Variants in MASP2 observed in about 807,000 individuals in gnomAD.
MASP2 encodes the protein mannan-binding lectin serine protease 2.
A neutral mutation model predicts 57.1 loss-of-function variants in MASP2; 49 were observed. That is an observed-to-expected ratio of 0.86 (90% confidence interval 0.68 to 1.09). The LOEUF (loss-of-function observed/expected upper bound fraction) is 1.09. Ranked by LOEUF, MASP2 falls within the 50% of genes least tolerant of loss-of-function variation. The pLI is 0.00. For synonymous variants in MASP2, 379 were observed against 340.8 expected, an observed-to-expected ratio of 1.11 and a Z score of -1.24; for missense variants, 900 against 874.8, an observed-to-expected ratio of 1.03 and a Z score of -0.36.
At chr1:11,041,689 G>GATAGATAGATAGACAGACAGA in intron 6 of MASP2, among the ~76,000 whole-genome samples, 3 of 151,588 alleles carry the variant, frequency 2.0e-5, no homozygotes, top group Non-Finnish European at 2.9e-5. Flanking sequence ...ATGGCTGGAA[G>GATAGATAGATAGACAGACAGA]TATGGGTGAG....
At chr1:11,028,424 T>TA (rs542683514) in intron 10 of MASP2, among the ~76,000 whole-genome samples, 14 of 152,326 alleles carry the variant, frequency 9.2e-5, no homozygotes, top group African/African-American at 2.9e-4. Flanking sequence ...CCTTTGAACA[T>TA]ACAAATGTTT....
At chr1:11,043,050 G>T (rs1386333937) in intron 5 of MASP2, 28 bp from the exon 6 acceptor site, 1 of 1,610,876 alleles carries the variant, frequency 6.2e-7, no homozygotes, top group South Asian at 1.1e-5. Flanking sequence ...GAAAGCTGGG[G>T]AGCAGCTGCC....
chr1:11,032,608 C>CAAAAAA (rs36074066), intron 8 of MASP2, among the ~76,000 whole-genome samples: 1 of 106,082 alleles, frequency 9.4e-6, no homozygotes, highest in African/African-American at 3.5e-5. Flanking sequence ...GAGACCCCGT[C>CAAAAAA]AAAAAAAAAA....
intron 10 of MASP2, 41 bp downstream of exon 10, chr1:11,030,135 T>C (rs1459625726): frequency 6.8e-7 from 1 of 1,460,910 alleles, no homozygotes; most frequent in African/African-American, 1.4e-5. Flanking sequence ...CAGTCCTCCT[T>C]TCCATCAATT....
At chr1:11,032,775 G>A (rs192606561) in intron 8 of MASP2, among the ~76,000 whole-genome samples, 5 of 151,978 alleles carry the variant, frequency 3.3e-5, no homozygotes, top group Admixed American at 6.6e-5. Flanking sequence ...TGGGCTTGGT[G>A]GGAAGTGCTT....
intron 6 of MASP2, among the ~76,000 whole-genome samples, chr1:11,041,770 A>AGGATGGG: frequency 6.9e-6 from 1 of 145,728 alleles, no homozygotes; most frequent in East Asian, 2.1e-4. Context: ...GGATGGAAGA[A>AGGATGGG]TGGGTGGATG....
chr1:11,043,034 G>A lies in MASP2; in HGVS notation c.742-12C>T, dbSNP rs201703577. The A allele has an allele frequency of 1.5e-3, 2,463 of 1,612,534 alleles. 16 individuals are homozygous for A. The highest frequency in any genetic ancestry group is 7.6e-3 in the South Asian group (696 of 91,026). On this transcript the variant is annotated splice_polypyrimidine_tract_variant and intron_variant, in intron 5 of 10. Coordinates refer to ENST00000400897, the MANE Select transcript of MASP2 (RefSeq NM_006610.4). ...CTGTCTGTTTGAATCTGAGAAAGAA[G>A]CTCATGAAAGCTGGGGAGCAGCTGC...
Position 11,030,823 on chromosome 1 carries a change from G to A in MASP2, c.1147C>T (p.Pro383Ser), listed in dbSNP as rs2100876137. Residue 383 changes from proline to serine, a missense_variant, in exon 9 of 11, where the codon CCT becomes TCT. Coordinates refer to ENST00000400897, the MANE Select transcript of MASP2 (RefSeq NM_006610.4). ...ACAGCTTTGTAGGTGGTCACTCCAG[G>A]ACCTGTGATGTACTCCACTCGGCCA... is the stretch of plus-strand genomic sequence containing the variant. ...PSGRVEYITG[P>S]GVTTYKAVIQ... 1 of 1,613,888 alleles carries A rather than the reference G, an allele frequency of 6.2e-7. No individual in the cohort carries two copies. The highest frequency in any genetic ancestry group is 8.5e-7 in the Non-Finnish European group (1 of 1,179,796).
chr1:11,041,903 A>AGGAT (rs1339683226), intron 6 of MASP2, among the ~76,000 whole-genome samples: 5 of 139,940 alleles, frequency 3.6e-5, no homozygotes, highest in Admixed American at 7.0e-5. Flanking sequence ...GTTGGATAGA[A>AGGAT]GGATGGATGG....
chr1:11,046,703 G>A lies in MASP2; in HGVS notation c.265C>T (p.Leu89=). ...LSSGAKVLAT[L]CGQESTDTER... ...GTGTCTGTGCTCTCCTGCCCGCACA[G>A]CGTGGCCAGCACCTTGGCCCCCGAG... Residue 89 remains leucine, a synonymous_variant, in exon 3 of 11, where the codon CTG becomes TTG. Transcript: ENST00000400897. 1 of 1,613,316 alleles carries A rather than the reference G, an allele frequency of 6.2e-7. No homozygotes were observed. The highest frequency in any genetic ancestry group is 1.1e-5 in the South Asian group (1 of 91,064).
At position 11,027,358 on chromosome 1, in the gene MASP2, CA is replaced by C. The variant is rs1190877811; in HGVS notation, c.1587del (p.Phe529LeufsTer5). ...AATTTAATCAGTGCTATGTCATTGT[CA>C]AAGCCAGCATCATGAGTATAACCTT... ...IHEGYTHDAG[F>X]DNDIALIKLN... On this transcript the variant is annotated frameshift_variant, in exon 11 of 11. Coordinates refer to ENST00000400897, the MANE Select transcript of MASP2 (RefSeq NM_006610.4). LOFTEE classifies it low-confidence loss of function (END_TRUNC). The C allele has an allele frequency of 6.2e-7, 1 of 1,614,112 alleles. No homozygotes were observed. Among genetic ancestry groups the C allele is most frequent in the Admixed American group, 1.7e-5 (1 of 60,002 alleles).
At chr1:11,030,058 T>G (rs1018378808) in intron 10 of MASP2, 118 bp downstream of exon 10, 1 of 689,556 alleles carries the variant, frequency 1.5e-6, no homozygotes, top group Non-Finnish European at 2.5e-6. Context: ...AATAACAGCC[T>G]AAGAGCCAAG....
Position 11,047,232 on chromosome 1 carries a change from C to A in MASP2, c.-25G>T, listed in dbSNP as rs529184283. ...TGGTGTGCCCGTCCAGCTGGCCTGG[C>A]CTGGTCTGCAGCCCTACGCTGGTCT... is the stretch of plus-strand genomic sequence containing the variant. On this transcript the variant is annotated 5_prime_UTR_variant, in exon 1 of 11. Coordinates refer to ENST00000400897, the MANE Select transcript of MASP2 (RefSeq NM_006610.4). 25 of 1,554,734 alleles carry A rather than the reference C, an allele frequency of 1.6e-5. No homozygotes were observed. The East Asian group carries it at 4.5e-4, about 28-fold the overall frequency.
At chr1:11,036,919 C>T (rs1439120119) in intron 7 of MASP2, among the ~76,000 whole-genome samples, 2 of 152,024 alleles carry the variant, frequency 1.3e-5, no homozygotes, top group Non-Finnish European at 2.9e-5. Flanking sequence ...GTCATTTGAC[C>T]AGGGGGAGAA....
At chr1:11,028,863 G>A (rs530221432) in intron 10 of MASP2, among the ~76,000 whole-genome samples, 7 of 151,278 alleles carry the variant, frequency 4.6e-5, no homozygotes, top group Non-Finnish European at 1.0e-4. Flanking sequence ...ACAGGCACAC[G>A]CCACCACACC....
At position 11,047,107 on chromosome 1, in the gene MASP2, G is replaced by C. The variant is rs545996601; in HGVS notation, c.18C>G (p.Leu6=). The change falls in exon 2 of 11, where the codon CTC becomes CTG. Residue 6 remains leucine (L), a synonymous_variant. Transcript: ENST00000400897. The part of the protein sequence containing the change: MRLLT[L]LGLLCGSVAT... ...CCACCGAGCCACACAGAAGGCCCAG[G>C]AGGGTCAGCAGCCTATGGGCAGGGC... The C allele has an allele frequency of 1.1e-5, 17 of 1,550,438 alleles. No homozygotes were observed. The highest frequency in any genetic ancestry group is 1.5e-5 in the Non-Finnish European group (17 of 1,146,872).
chr1:11,041,105 A>AGATG lies in MASP2; in HGVS notation c.889+1766_889+1769dup, dbSNP rs1553161674. ...TAGGTGGATGGATAGAAGGATGGAT[A>AGATG]GATGGATGGATGGATGGATGGATGG... is the stretch of plus-strand genomic sequence containing the variant. On this transcript the variant is annotated intron_variant, in intron 6 of 10. Coordinates refer to ENST00000400897, the MANE Select transcript of MASP2 (RefSeq NM_006610.4). Among the ~76,000 whole-genome samples the AGATG allele has an allele frequency of 4.0e-4, 53 of 133,090 alleles. 1 individual carries two copies. Among genetic ancestry groups the AGATG allele is most frequent in the African/African-American group, 1.5e-3 (50 of 33,166 alleles). The allele number at this position is 133,090 out of a possible 152,430, so 87.3% of individuals were successfully genotyped here.
At chr1:11,034,780 A>G (rs1369827357) in intron 8 of MASP2, 48 bp downstream of exon 8, 1 of 1,239,490 alleles carries the variant, frequency 8.1e-7, no homozygotes, top group Non-Finnish European at 1.1e-6. Flanking sequence ...GTAGCAGCAG[A>G]GGGAGTTCCG....
intron 4 of MASP2, chr1:11,044,780 G>A: frequency 1.6e-6 from 2 of 1,227,072 alleles, no homozygotes; most frequent in East Asian, 4.1e-5. Flanking sequence ...TCCCACCCCA[G>A]AGACACGTGG....
Sources: gnomAD v4.1 joint callset for allele counts (sites outside exome capture counted in the v4.1 genomes callset) on GRCh38, gnomAD v4.1.1 for gene constraint, MANE v1.5 for transcripts, NCBI Gene and HGNC (gene_info 2026-07-23, HGNC 2026-07-21) for gene names.